Variants in DHRS12 observed in about 807,000 individuals in gnomAD.
DHRS12 encodes the protein dehydrogenase/reductase 12, also known as dehydrogenase/reductase SDR family member 12.
A neutral mutation model predicts 32.1 loss-of-function variants in DHRS12; 29 were observed. The observed-to-expected ratio is 0.90, with a 90% CI of 0.67 to 1.23. The LOEUF is 1.23. DHRS12 is among the 50% of genes most tolerant of loss of function. The pLI, the probability that DHRS12 is intolerant of heterozygous loss-of-function variation, is 0.00. For synonymous variants in DHRS12, 150 were observed against 135.9 expected (o/e 1.10, Z -0.72); for missense variants, 330 against 337.2 (o/e 0.98, Z 0.17).
intron 7 of DHRS12, chr13:51,771,044 C>T: frequency 7.0e-7 from 1 of 1,431,576 alleles, no homozygotes; most frequent in South Asian, 1.5e-5. Flanking sequence ...CCCAAAACCC[C>T]ATGGCCAGGC....
At chr13:51,789,363 C>A (rs931075166) in intron 4 of DHRS12, among the ~76,000 whole-genome samples, 2 of 152,176 alleles carry the variant, frequency 1.3e-5, no homozygotes, top group African/African-American at 4.8e-5. Flanking sequence ...AGTACATTAG[C>A]TCTCAATCTT....
rs369348377 is a variant in DHRS12 at position 51,776,087 on chromosome 13, CCTACATGTATT to C, written c.363+962_363+972del. ...TACAGTATTCTCCTACATGTATTCT[CCTACATGTATT>C]CTACAGTATTCTCCTACATGTATTC... On this transcript the variant is annotated intron_variant, in intron 5 of 8. Transcript: ENST00000444610. The C allele has an allele frequency of 1.3e-4, 11 of 83,086 alleles. 2 individuals carry two copies. The highest frequency in any genetic ancestry group is 1.3e-3 in the East Asian group (3 of 2,272). 5.1% of individuals were successfully genotyped at this position (83,086 alleles called of 1,614,324 possible). A position where few individuals can be genotyped will look rare whatever the true frequency, so the allele number is the denominator to read the frequency against.
At chr13:51,758,367 A>C in the DHRS12 span, 8 of 1,204,694 alleles carry the variant, frequency 6.6e-6, no homozygotes, top group Middle Eastern at 2.0e-4. Flanking sequence ...GAGCACCAAG[A>C]ACATGGGAGG....
intron 4 of DHRS12, among the ~76,000 whole-genome samples, chr13:51,783,360 C>T (rs1276684029): frequency 6.6e-6 from 1 of 152,074 alleles, no homozygotes; most frequent in Non-Finnish European, 1.5e-5. Context: ...AGGACGAGCA[C>T]CAAGAAACAA....
intron 5 of DHRS12, chr13:51,776,577 G>A (rs888855239): frequency 6.0e-6 from 1 of 167,686 alleles, no homozygotes; most frequent in Non-Finnish European, 1.3e-5. Flanking sequence ...ATGAACTTTC[G>A]GGTCGGGGGT....
chr13:51,768,867 C>G (rs908204874), intron 8 of DHRS12: 4 of 1,361,086 alleles, frequency 2.9e-6, no homozygotes, highest in Non-Finnish European at 3.8e-6. Flanking sequence ...TGGGCCTCAG[C>G]AAACTGCAGA....
intron 8 of DHRS12, chr13:51,768,526 C>G: frequency 7.2e-7 from 1 of 1,392,796 alleles, no homozygotes; most frequent in Non-Finnish European, 9.3e-7. Flanking sequence ...GACGGGAGAC[C>G]ACGTTTGGGT....
At chr13:51,755,390 A>C in the DHRS12 span, 3 of 1,614,106 alleles carry the variant, frequency 1.9e-6, no homozygotes, top group Non-Finnish European at 2.5e-6. Context: ...ATTCCTGCCA[A>C]AAGTGTGATC....
chr13:51,801,611 TG>T lies in DHRS12; in HGVS notation c.-8-1945del, dbSNP rs1955758490. Among the ~76,000 whole-genome samples the T allele has an allele frequency of 2.0e-5, 3 of 152,316 alleles. No homozygotes were observed. In the South Asian group the frequency reaches 6.2e-4, roughly 32 times the overall value. ...GCATTTTAAACTACAAAGAGGAAAC[TG>T]GAAGATTTTTTTCCCCCTAAACACA... On this transcript the variant is annotated intron_variant, in intron 1 of 8. Coordinates refer to ENST00000444610, the MANE Select transcript of DHRS12 (RefSeq NM_001377533.1).
rs780037959 is a variant in DHRS12, at chr13:51,769,168, G to A, written c.685C>T (p.Arg229Cys). Residue 229 changes from arginine (R) to cysteine (C), a missense_variant, in exon 8 of 9, where the codon CGC (arginine) becomes TGC (cysteine). By Grantham distance (180) the Arg-to-Cys change is radical. Transcript: ENST00000444610. Reference sequence around the variant, plus strand: ...GGGAGGAAGTCACCTTGAAAGAAGCGGCCGCTGGGCTGTGCGGCTGCGGCA... The same window carrying A: ...GGGAGGAAGTCACCTTGAAAGAAGCAGCCGCTGGGCTGTGCGGCTGCGGCA... The part of the protein sequence containing the change: ...SSAAAAQPSG[R>C]FFQDRKPVST... 4 of 1,550,630 alleles carry A rather than the reference G, an allele frequency of 2.6e-6. No individual in the cohort carries two copies. The highest frequency in any genetic ancestry group is 2.4e-5 in the South Asian group (2 of 84,110).
At position 51,791,236 on chromosome 13, in the gene DHRS12, C is replaced by T; in HGVS notation, c.148G>A (p.Asp50Asn). The change falls in exon 3 of 9, where the codon GAC becomes AAC. Residue 50 changes from aspartate (D) to asparagine (N), a missense_variant. By Grantham distance (23) the Asp-to-Asn change is conservative (BLOSUM62 1). Coordinates refer to ENST00000444610, the MANE Select transcript of DHRS12 (RefSeq NM_001377533.1). Reference protein sequence around the residue: ...PSENIFLHIVDLSDPKQIWKF... With the variant: ...PSENIFLHIVNLSDPKQIWKF... ...CAGATTTGCTTGGGATCAGACAAGT[C>T]CACAATGTGCAGAAAAATGTTCTAA... The T allele has an allele frequency of 6.5e-7, 1 of 1,537,182 alleles. No individual in the cohort carries two copies. Among genetic ancestry groups the T allele is most frequent in the South Asian group, 1.3e-5 (1 of 78,374 alleles).
At chr13:51,769,706 G>A (rs536530105) in intron 7 of DHRS12, among the ~76,000 whole-genome samples, 25 of 152,348 alleles carry the variant, frequency 1.6e-4, no homozygotes, top group African/African-American at 6.0e-4. Context: ...TAGGCTCAGA[G>A]GATCCTGGCT....
chr13:51,771,518 C>A, intron 7 of DHRS12: 1 of 1,613,250 alleles, frequency 6.2e-7, no homozygotes, highest in South Asian at 1.1e-5. Context: ...TGACAATGGT[C>A]ACCGGCTCCC....
chr13:51,762,157 G>A, the DHRS12 span: 4 of 152,238 alleles, frequency 2.6e-5, no homozygotes, highest in African/African-American at 7.2e-5. Flanking sequence ...TAAACTTTGA[G>A]CTTGGCCTGC....
intron 1 of DHRS12, among the ~76,000 whole-genome samples, chr13:51,802,155 TCA>T (rs1373309027): frequency 1.3e-5 from 2 of 149,214 alleles, no homozygotes; most frequent in African/African-American, 2.5e-5. Context: ...TCTCTAGATA[TCA>T]GTCTCTATTT....
intron 2 of DHRS12, among the ~76,000 whole-genome samples, chr13:51,794,290 T>C (rs1283348666): frequency 6.6e-6 from 1 of 152,196 alleles, no homozygotes; most frequent in East Asian, 1.9e-4. Context: ...ATAGCGGCTG[T>C]GTGACCCAGG....
At chr13:51,772,553 A>C in intron 6 of DHRS12, 8 of 860,982 alleles carry the variant, frequency 9.3e-6, no homozygotes, top group Non-Finnish European at 1.1e-5. Flanking sequence ...AGGCTGAGGT[A>C]GGAGAATTGC....
intron 2 of DHRS12, among the ~76,000 whole-genome samples, chr13:51,793,350 T>C (rs555171072): frequency 6.6e-6 from 1 of 152,332 alleles, no homozygotes; most frequent in African/African-American, 2.4e-5. Flanking sequence ...GACGAGGATC[T>C]GAGCAAGAGC....
At chr13:51,761,613 T>G in the DHRS12 span, 1 of 152,182 alleles carries the variant, frequency 6.6e-6, no homozygotes, top group African/African-American at 2.4e-5. Flanking sequence ...TTATTTTCCC[T>G]CTTTTCCTGG....
Sources: gnomAD v4.1 joint callset for allele counts (sites outside exome capture counted in the v4.1 genomes callset) on GRCh38, gnomAD v4.1.1 for gene constraint, MANE v1.5 for transcripts, NCBI Gene and HGNC (gene_info 2026-07-23, HGNC 2026-07-21) for gene names.